MCHR2: variants seen among roughly 807,000 people sequenced by gnomAD.
The protein encoded by MCHR2 is melanin-concentrating hormone receptor 2.
In MCHR2, 15 loss-of-function variants were observed where a neutral mutation model predicts 24.8. The observed-to-expected ratio is 0.60, with a 90% CI of 0.40 to 0.93. MCHR2 has a LOEUF of 0.93. Among genes scored for constraint, MCHR2 ranks in the 40% least tolerant of loss-of-function variants. MCHR2 has a pLI of 0.00. For missense variants in MCHR2, 386 were observed against 408.7 expected, an observed-to-expected ratio of 0.94 and a Z score of 0.48; for synonymous variants, 151 against 147.6, an observed-to-expected ratio of 1.02 and a Z score of -0.17.
At chr6:99,991,300 A>G (rs971956528) in intron 1 of MCHR2, among the ~76,000 whole-genome samples, 2 of 152,132 alleles carry the variant, frequency 1.3e-5, no homozygotes, top group African/African-American at 4.8e-5. Flanking sequence ...ATGGGGCTGG[A>G]GGACAGAGCT....
intron 2 of MCHR2, among the ~76,000 whole-genome samples, chr6:99,949,942 C>T (rs900021481): frequency 6.6e-6 from 1 of 151,272 alleles, no homozygotes; most frequent in East Asian, 1.9e-4. Flanking sequence ...AATCATAAAT[C>T]TTAGTCTATA....
rs1444702492 is a variant in MCHR2, at chr6:99,956,039, G to A, written c.109C>T (p.Leu37Phe). The A allele has an allele frequency of 6.2e-7, 1 of 1,613,312 alleles. No homozygotes were observed. Among genetic ancestry groups the A allele is most frequent in the Admixed American group, 1.7e-5 (1 of 59,920 alleles). The stretch of plus-strand genomic sequence containing the variant: ...CAGATAATCCCAATCATGGAAGGGA[G>A]GATGACTGTATCTACCACACTGGCA... ...QTASVVDTVI[L>F]PSMIGIICST... The change falls in exon 2 of 6, where the codon CTC becomes TTC. Residue 37 changes from leucine to phenylalanine, a missense_variant. Leu to Phe is a conservative substitution (Grantham distance 22). Coordinates refer to ENST00000281806, the MANE Select transcript of MCHR2 (RefSeq NM_001040179.2).
chr6:99,932,565 T>C (rs1028659601), intron 5 of MCHR2, among the ~76,000 whole-genome samples: 2 of 152,182 alleles, frequency 1.3e-5, no homozygotes, highest in African/African-American at 4.8e-5. Flanking sequence ...TCAACAGTGA[T>C]GTAACGTGGC....
intron 3 of MCHR2, among the ~76,000 whole-genome samples, 165 bp downstream of exon 3, chr6:99,947,597 C>G (rs1774893500): frequency 6.6e-6 from 1 of 152,006 alleles, no homozygotes; most frequent in Non-Finnish European, 1.5e-5. Flanking sequence ...AAATATTCCT[C>G]TGTGAAAGTT....
chr6:99,978,049 C>G (rs1346069279), intron 1 of MCHR2, among the ~76,000 whole-genome samples: 1 of 152,046 alleles, frequency 6.6e-6, no homozygotes, highest in Non-Finnish European at 1.5e-5. Flanking sequence ...AACAGGGATC[C>G]CAACATGATG....
At chr6:99,946,563 T>A (rs368669133) in intron 3 of MCHR2, among the ~76,000 whole-genome samples, 6 of 152,236 alleles carry the variant, frequency 3.9e-5, no homozygotes, top group African/African-American at 1.4e-4. Flanking sequence ...ATTCATTCAT[T>A]CATCAATATT....
At chr6:99,931,630 AC>A (rs1008934332) in intron 5 of MCHR2, among the ~76,000 whole-genome samples, 23 of 151,770 alleles carry the variant, frequency 1.5e-4, no homozygotes, top group African/African-American at 5.3e-4. Flanking sequence ...TGGGCGTAGG[AC>A]CCCCTGAGCC....
chr6:99,947,453 G>A (rs1293274256), intron 3 of MCHR2, among the ~76,000 whole-genome samples: 1 of 152,044 alleles, frequency 6.6e-6, no homozygotes, highest in African/African-American at 2.4e-5. Flanking sequence ...TGAAATTGAT[G>A]GGGGGAATTC....
intron 1 of MCHR2, among the ~76,000 whole-genome samples, chr6:99,993,619 G>A (rs1190950596): frequency 2.6e-5 from 4 of 152,112 alleles, no homozygotes; most frequent in African/African-American, 9.7e-5. Flanking sequence ...CAGCGGTCTC[G>A]GTCGGGGCCG....
intron 1 of MCHR2, among the ~76,000 whole-genome samples, chr6:99,957,930 G>A (rs761288849): frequency 1.3e-5 from 2 of 151,938 alleles, no homozygotes; most frequent in African/African-American, 4.8e-5. Context: ...CTGACTTATA[G>A]ATTCAATGCA....
intron 1 of MCHR2, among the ~76,000 whole-genome samples, chr6:99,968,145 G>A (rs1291057567): frequency 6.6e-6 from 1 of 152,138 alleles, no homozygotes; most frequent in Non-Finnish European, 1.5e-5. Context: ...ACTAGATTTA[G>A]TTTACTGGGG....
chr6:99,966,604 G>A (rs949226213), intron 1 of MCHR2, among the ~76,000 whole-genome samples: 1 of 152,066 alleles, frequency 6.6e-6, no homozygotes, highest in African/African-American at 2.4e-5. Context: ...GTACTTCACC[G>A]GTTCAGCAAG....
chr6:99,989,434 T>C (rs966920570), intron 1 of MCHR2, among the ~76,000 whole-genome samples: 4 of 152,202 alleles, frequency 2.6e-5, no homozygotes, highest in Admixed American at 2.6e-4. Flanking sequence ...GTAAAATTAC[T>C]ATTATCTTCA....
intron 1 of MCHR2, among the ~76,000 whole-genome samples, chr6:99,962,448 C>T (rs1023815795): frequency 4.2e-4 from 64 of 152,086 alleles, no homozygotes; most frequent in Admixed American, 1.5e-3. Flanking sequence ...GAAGGACTAG[C>T]GTATGGTCAA....
chr6:99,971,838 G>C (rs1177673452), intron 1 of MCHR2, among the ~76,000 whole-genome samples: 2 of 152,022 alleles, frequency 1.3e-5, no homozygotes, highest in African/African-American at 4.8e-5. Context: ...TTTGTCTTTG[G>C]TTCTGTTTAT....
At chr6:99,940,635 A>G (rs1316610146) in intron 4 of MCHR2, among the ~76,000 whole-genome samples, 1 of 152,050 alleles carries the variant, frequency 6.6e-6, no homozygotes, top group African/African-American at 2.4e-5. Flanking sequence ...ATGTACATCT[A>G]TGTCTTTGCA....
chr6:99,973,104 T>A (rs1187324879), intron 1 of MCHR2, among the ~76,000 whole-genome samples: 2 of 151,876 alleles, frequency 1.3e-5, no homozygotes, highest in Admixed American at 6.6e-5. Context: ...CTGAGTTCAA[T>A]TCCTGGGTAT....
At chr6:99,938,908 T>G (rs1312998187) in intron 4 of MCHR2, among the ~76,000 whole-genome samples, 3 of 152,032 alleles carry the variant, frequency 2.0e-5, no homozygotes, top group African/African-American at 7.2e-5. Flanking sequence ...GTTATATCCT[T>G]TTGCTGAATT....
intron 4 of MCHR2, among the ~76,000 whole-genome samples, chr6:99,936,899 A>T (rs769303378): frequency 3.6e-4 from 55 of 151,734 alleles, no homozygotes; most frequent in Middle Eastern, 6.8e-3. Context: ...TCAGAGTTTT[A>T]TAGTTTTCCT....
Sources: allele counts gnomAD v4.1 joint callset (sites outside exome capture counted in the v4.1 genomes callset), GRCh38; gene constraint gnomAD v4.1.1; transcripts MANE v1.5; gene names NCBI Gene and HGNC (gene_info 2026-07-23, HGNC 2026-07-21).